Variants in PPM1L observed in about 807,000 individuals in gnomAD.
The protein encoded by PPM1L is protein phosphatase 1L.
Under a neutral mutation model 31.4 loss-of-function variants are expected in PPM1L, and 13 were observed. The observed-to-expected ratio is 0.41, with a 90% confidence interval of 0.27 to 0.66. The LOEUF (loss-of-function observed/expected upper bound fraction) is 0.66, where lower values mean the gene tolerates loss of function less well. Among genes scored for constraint, PPM1L ranks in the 30% least tolerant of loss-of-function variants. The probability of loss-of-function intolerance (pLI) is 0.29; values close to 1 mark genes in which losing one functional copy is unlikely to be tolerated. For synonymous variants in PPM1L, 184 were observed against 175.4 expected, an observed-to-expected ratio of 1.05 and a Z score of -0.39; for missense variants, 326 against 453.7, an observed-to-expected ratio of 0.72 and a Z score of 2.56.
chr3:161,065,694 T>C (rs958185693), intron 3 of PPM1L, 130 bp downstream of exon 3: 1 of 691,350 alleles, frequency 1.4e-6, no homozygotes, highest in Non-Finnish European at 2.3e-6. Flanking sequence ...GTAACTGAGA[T>C]TGACTTTGTA....
At chr3:160,952,405 C>T (rs1336051402) in intron 1 of PPM1L, among the ~76,000 whole-genome samples, 1 of 152,196 alleles carries the variant, frequency 6.6e-6, no homozygotes, top group Non-Finnish European at 1.5e-5. Context: ...TAAAATATTA[C>T]TCCCTTCTCT....
intron 1 of PPM1L, among the ~76,000 whole-genome samples, chr3:160,846,653 G>T (rs571999261): frequency 1.3e-5 from 2 of 152,100 alleles, no homozygotes; most frequent in South Asian, 4.2e-4. Flanking sequence ...AAATTGGTTG[G>T]TTAGTTATAA....
chr3:160,935,371 C>T (rs1226346138), intron 1 of PPM1L, among the ~76,000 whole-genome samples: 2 of 152,164 alleles, frequency 1.3e-5, no homozygotes, highest in African/African-American at 4.8e-5. Context: ...TCAGGGTAAC[C>T]TTTCTGGAGG....
At chr3:160,836,813 G>T (rs1713730081) in intron 1 of PPM1L, among the ~76,000 whole-genome samples, 1 of 152,072 alleles carries the variant, frequency 6.6e-6, no homozygotes, top group Non-Finnish European at 1.5e-5. Flanking sequence ...TGACCTGTTG[G>T]TGAATTTTTA....
In PPM1L at chr3:160,914,275, T is replaced by C. The variant is rs542384214; in HGVS notation, c.400-47461T>C. On this transcript the variant is annotated intron_variant, in intron 1 of 3. Transcript: ENST00000498165. ...TTTACTGTGTTATTTGACTTCTTAGTATTGAGTTGAAGGAGTTCTTTTTTT... is the reference window on the plus strand; with the variant it reads ...TTTACTGTGTTATTTGACTTCTTAGCATTGAGTTGAAGGAGTTCTTTTTTT... Among the ~76,000 whole-genome samples the C allele has an allele frequency of 1.8e-4, 28 of 152,302 alleles. 1 individual carries two copies. In the South Asian group the frequency reaches 5.6e-3, roughly 30 times the overall value.
At chr3:160,883,626 A>G (rs1360991618) in intron 1 of PPM1L, among the ~76,000 whole-genome samples, 21 of 152,074 alleles carry the variant, frequency 1.4e-4, no homozygotes, top group Admixed American at 1.4e-3. Context: ...TACCTCCAGT[A>G]GGAGATGACT....
intron 1 of PPM1L, among the ~76,000 whole-genome samples, chr3:160,940,438 G>C (rs190816431): frequency 6.6e-6 from 1 of 152,136 alleles, no homozygotes; most frequent in Non-Finnish European, 1.5e-5. Flanking sequence ...CTGGAGGCCC[G>C]GGAGGAAAAA....
rs1371493463 is a variant in PPM1L, at chr3:161,072,914, G to A, written c.*3757G>A. 1.3e-5 allele frequency: 2 copies of A among 152,086 alleles called. No homozygotes were observed. The highest frequency in any genetic ancestry group is 4.8e-5 in the African/African-American group (2 of 41,398). The allele number at this position is 152,086 out of a possible 1,614,324, so 9.4% of individuals were successfully genotyped here. A position where few individuals can be genotyped will look rare whatever the true frequency, so the allele number is the denominator to read the frequency against. On this transcript the variant is annotated 3_prime_UTR_variant, in exon 4 of 4. Transcript: ENST00000498165. ...CAACTAGACTGTTCATACCCTAATAGTTCCCCAAAATTGCCTTAGCATGTC... is the reference window on the plus strand; with the variant it reads ...CAACTAGACTGTTCATACCCTAATAATTCCCCAAAATTGCCTTAGCATGTC...
At chr3:160,879,497 G>A (rs537809098) in intron 1 of PPM1L, among the ~76,000 whole-genome samples, 2 of 152,182 alleles carry the variant, frequency 1.3e-5, no homozygotes, top group East Asian at 3.9e-4. Context: ...TCTTTTTAGC[G>A]CTGCATGAGG....
At chr3:161,057,701 C>G (rs1719452318) in intron 2 of PPM1L, among the ~76,000 whole-genome samples, 7 of 151,996 alleles carry the variant, frequency 4.6e-5, no homozygotes. Flanking sequence ...ACCTGCATTC[C>G]TACGCGGCAG....
chr3:160,859,197 A>G (rs1360265470), intron 1 of PPM1L, among the ~76,000 whole-genome samples: 1 of 152,208 alleles, frequency 6.6e-6, no homozygotes, highest in African/African-American at 2.4e-5. Flanking sequence ...GACCCTATCT[A>G]TGCATGAATC....
At chr3:160,955,934 G>T (rs142912113) in intron 1 of PPM1L, among the ~76,000 whole-genome samples, 1 of 152,092 alleles carries the variant, frequency 6.6e-6, no homozygotes, top group Admixed American at 6.6e-5. Context: ...GATTACAGGC[G>T]TGAGCCACCA....
chr3:160,932,880 T>C (rs982224805), intron 1 of PPM1L, among the ~76,000 whole-genome samples: 6 of 152,202 alleles, frequency 3.9e-5, no homozygotes, highest in African/African-American at 1.2e-4. Flanking sequence ...AGTTTTCTCA[T>C]TGGGAAATGG....
intron 2 of PPM1L, among the ~76,000 whole-genome samples, chr3:161,031,450 T>A (rs1176925403): frequency 6.6e-6 from 1 of 151,788 alleles, no homozygotes; most frequent in African/African-American, 2.4e-5. Flanking sequence ...CATCACACTC[T>A]GTGACAGAAT....
At chr3:160,799,194 G>A (rs551711679) in intron 1 of PPM1L, among the ~76,000 whole-genome samples, 51 of 152,330 alleles carry the variant, frequency 3.3e-4, no homozygotes, top group South Asian at 1.4e-3. Context: ...CATAAACTTC[G>A]TTGATAAAGC....
chr3:160,890,678 T>G (rs1474516656), intron 1 of PPM1L, among the ~76,000 whole-genome samples: 1 of 152,166 alleles, frequency 6.6e-6, no homozygotes, highest in African/African-American at 2.4e-5. Context: ...AAGACAATCC[T>G]AAGCAAAAAG....
chr3:161,018,885 CCTT>C (rs1718160647), intron 2 of PPM1L, among the ~76,000 whole-genome samples: 1 of 152,228 alleles, frequency 6.6e-6, no homozygotes, highest in Middle Eastern at 3.4e-3. Context: ...CATACCATGA[CCTT>C]CTTTGGAATT....
At chr3:161,021,509 G>A (rs1270495781) in intron 2 of PPM1L, among the ~76,000 whole-genome samples, 3 of 151,978 alleles carry the variant, frequency 2.0e-5, no homozygotes, top group Non-Finnish European at 2.9e-5. Context: ...TGGGTGGAGT[G>A]TTCTATACAT....
chr3:160,918,096 G>GA (rs1053658644), intron 1 of PPM1L, among the ~76,000 whole-genome samples: 1 of 152,128 alleles, frequency 6.6e-6, no homozygotes, highest in African/African-American at 2.4e-5. Flanking sequence ...TTTTCTCTGG[G>GA]AAAAACTGGT....
Sources: allele counts gnomAD v4.1 joint callset (sites outside exome capture counted in the v4.1 genomes callset), GRCh38; gene constraint gnomAD v4.1.1; transcripts MANE v1.5; gene names NCBI Gene and HGNC (gene_info 2026-07-23, HGNC 2026-07-21).